Variants in KPNA3 observed in about 807,000 individuals in gnomAD.
The protein encoded by KPNA3 is importin subunit alpha-4.
A neutral mutation model predicts 73.8 loss-of-function variants in KPNA3; 13 were observed. That is an observed-to-expected ratio of 0.18 (90% CI 0.11 to 0.28). The LOEUF is 0.28. Ranked by LOEUF, KPNA3 falls within the 10% of genes least tolerant of loss-of-function variation. The pLI, the probability that KPNA3 is intolerant of heterozygous loss-of-function variation, is 1.00. For synonymous variants in KPNA3, 186 were observed against 206.9 expected, an observed-to-expected ratio of 0.90 and a Z score of 0.87; for missense variants, 360 against 618.1, an observed-to-expected ratio of 0.58 and a Z score of 4.43.
chr13:49,776,888 A>T (rs1954902246), intron 1 of KPNA3, among the ~76,000 whole-genome samples: 1 of 152,212 alleles, frequency 6.6e-6, no homozygotes, highest in African/African-American at 2.4e-5. Flanking sequence ...GTAGTTTCAA[A>T]TTTACAGTCA....
chr13:49,739,331 A>T (rs907402073), intron 2 of KPNA3, among the ~76,000 whole-genome samples: 1 of 152,228 alleles, frequency 6.6e-6, no homozygotes, highest in Non-Finnish European at 1.5e-5. Context: ...TCAACCCACG[A>T]AGCATTATTC....
At chr13:49,769,853 A>T (rs1954838956) in intron 1 of KPNA3, among the ~76,000 whole-genome samples, 1 of 152,212 alleles carries the variant, frequency 6.6e-6, no homozygotes, top group South Asian at 2.1e-4. Context: ...GTTGCTGCAC[A>T]TCCTACCAGA....
intron 1 of KPNA3, among the ~76,000 whole-genome samples, chr13:49,780,174 A>G (rs1272191164): frequency 1.3e-5 from 2 of 152,176 alleles, no homozygotes; most frequent in East Asian, 3.9e-4. Context: ...GCCTGTGAGC[A>G]AAATCTAGAC....
At chr13:49,784,163 C>T (rs989380050) in intron 1 of KPNA3, among the ~76,000 whole-genome samples, 12 of 152,102 alleles carry the variant, frequency 7.9e-5, no homozygotes, top group African/African-American at 2.4e-4. Context: ...GCAGGAGGAT[C>T]GCTTGAGCCA....
At chr13:49,716,614 T>C (rs879372775) in intron 10 of KPNA3, among the ~76,000 whole-genome samples, 5 of 152,100 alleles carry the variant, frequency 3.3e-5, no homozygotes, top group African/African-American at 7.2e-5. Flanking sequence ...AATTTTTGTA[T>C]TTTTAGTAGA....
In KPNA3 at chr13:49,741,462, T is replaced by C. The variant is rs1230667690; in HGVS notation, c.114+5487A>G. Among the ~76,000 whole-genome samples the C allele has an allele frequency of 3.3e-5, 5 of 151,824 alleles. No homozygotes were observed. In the East Asian group the frequency reaches 5.8e-4, roughly 18 times the overall value. The stretch of plus-strand genomic sequence containing the variant: ...TTTATTCTGCTCTTTTGCCCTTTTT[T>C]TTTTTTTTTGAGATGGAGTCTTGTT... On this transcript the variant is annotated intron_variant, in intron 2 of 16. Coordinates refer to ENST00000261667, the MANE Select transcript of KPNA3 (RefSeq NM_002267.4).
chr13:49,787,195 T>C (rs945589297), intron 1 of KPNA3, among the ~76,000 whole-genome samples: 1 of 152,182 alleles, frequency 6.6e-6, no homozygotes, highest in African/African-American at 2.4e-5. Context: ...AACTAAAGCA[T>C]AAAGCTTAAG....
rs1214136959 is a variant in KPNA3 at position 49,771,489 on chromosome 13, CTG to C, written c.69+20947_69+20948del. 3.9e-5 allele frequency among the ~76,000 whole-genome samples: 6 copies of C among 152,294 alleles called. No individual in the cohort carries two copies. The South Asian group carries it at 1.2e-3, about 32-fold the overall frequency. The stretch of plus-strand genomic sequence containing the variant: ...TTGTTTTTTAAGACGGGGTCTCACT[CTG>C]TCACCCCCGCTGGAGTGCCAGTGGC... On this transcript the variant is annotated intron_variant, in intron 1 of 16. Transcript: ENST00000261667.
intron 6 of KPNA3, among the ~76,000 whole-genome samples, chr13:49,727,447 CAA>C (rs1242720259): frequency 2.8e-4 from 14 of 50,076 alleles, no homozygotes; most frequent in Admixed American, 6.6e-4. Context: ...GATTCCATCT[CAA>C]AAAAAAAAAA....
At chr13:49,789,385 G>T (rs905289791) in intron 1 of KPNA3, among the ~76,000 whole-genome samples, 1 of 151,454 alleles carries the variant, frequency 6.6e-6, no homozygotes, top group Non-Finnish European at 1.5e-5. Context: ...AGTCTCTCTC[G>T]ATTGAATGAC....
At chr13:49,758,040 G>T (rs1954726429) in intron 1 of KPNA3, among the ~76,000 whole-genome samples, 1 of 152,028 alleles carries the variant, frequency 6.6e-6, no homozygotes, top group African/African-American at 2.4e-5. Flanking sequence ...CAGATGCTGA[G>T]GGGGAAGGAA....
intron 1 of KPNA3, among the ~76,000 whole-genome samples, chr13:49,747,792 G>A (rs1035983791): frequency 2.0e-5 from 3 of 152,200 alleles, no homozygotes; most frequent in African/African-American, 7.2e-5. Flanking sequence ...GTATTTACTG[G>A]ATATCTGTTG....
Position 49,711,042 on chromosome 13 carries a change from A to G in KPNA3, c.772-20T>C. The G allele has an allele frequency of 6.3e-7, 1 of 1,593,996 alleles. No homozygotes were observed. The highest frequency in any genetic ancestry group is 8.5e-7 in the Non-Finnish European group (1 of 1,173,690). On this transcript the variant is annotated intron_variant, in intron 10 of 16. Transcript: ENST00000261667. ...AAGAATCTACAGGAAACACAAAAGA[A>G]AAACCATTTTACATATTTGTTTGAA...
intron 12 of KPNA3, among the ~76,000 whole-genome samples, chr13:49,708,100 AT>A (rs1348795462): frequency 6.7e-6 from 1 of 149,564 alleles, no homozygotes; most frequent in African/African-American, 2.5e-5. Context: ...GGTTCATGCC[AT>A]TCTCCTGCCT....
intron 12 of KPNA3, among the ~76,000 whole-genome samples, chr13:49,706,772 G>A (rs1452730438): frequency 6.6e-6 from 1 of 151,184 alleles, no homozygotes; most frequent in South Asian, 2.1e-4. Context: ...TTTTTGAGAC[G>A]GAGTCTTGCT....
intron 1 of KPNA3, among the ~76,000 whole-genome samples, chr13:49,781,013 C>T (rs191652795): frequency 8.5e-5 from 13 of 152,244 alleles, no homozygotes; most frequent in African/African-American, 1.7e-4. Flanking sequence ...AAGGCCACCG[C>T]GTCCAGCCAG....
intron 10 of KPNA3, among the ~76,000 whole-genome samples, chr13:49,715,224 T>G (rs1954294311): frequency 6.6e-6 from 1 of 152,062 alleles, no homozygotes; most frequent in South Asian, 2.1e-4. Context: ...CAAAACATCA[T>G]AGTCAAAGAC....
intron 1 of KPNA3, among the ~76,000 whole-genome samples, chr13:49,757,303 G>C (rs1023380851): frequency 3.3e-5 from 5 of 151,676 alleles, no homozygotes; most frequent in African/African-American, 1.2e-4. Flanking sequence ...GAAAGGACTA[G>C]TATCTAGAAT....
chr13:49,754,603 T>A (rs1288097174), intron 1 of KPNA3, among the ~76,000 whole-genome samples: 1 of 99,918 alleles, frequency 1.0e-5, no homozygotes, highest in Non-Finnish European at 2.0e-5. Context: ...AGAAAATTAA[T>A]GAAAAGCTAG....
Sources: gnomAD v4.1 joint callset for allele counts (sites outside exome capture counted in the v4.1 genomes callset) on GRCh38, gnomAD v4.1.1 for gene constraint, MANE v1.5 for transcripts, NCBI Gene and HGNC (gene_info 2026-07-23, HGNC 2026-07-21) for gene names.